EVC: variants seen among roughly 807,000 people sequenced by gnomAD.
EVC encodes the protein evC complex member EVC.
A neutral mutation model predicts 118.9 loss-of-function variants in EVC; 116 were observed. The ratio of observed to expected loss-of-function variants is 0.98; its 90% CI spans 0.84 to 1.14. EVC has a LOEUF of 1.14. Among genes scored for constraint, EVC ranks in the 50% most tolerant of loss-of-function variants. The pLI is 0.00. For synonymous variants in EVC, 619 were observed against 534.7 expected, an observed-to-expected ratio of 1.16 and a Z score of -2.18; for missense variants, 1,401 against 1,246.4, an observed-to-expected ratio of 1.12 and a Z score of -1.87.
At position 5,752,822 on chromosome 4, in the gene EVC, G is replaced by T; in HGVS notation, c.1099-14G>T. 1 of 1,614,040 alleles carries T rather than the reference G, an allele frequency of 6.2e-7. No individual in the cohort carries two copies. The highest frequency in any genetic ancestry group is 8.5e-7 in the Non-Finnish European group (1 of 1,179,872). ...GGACACCCCAGCTATGGTCCTGTGT[G>T]TTTCTTTTTGCAGGACGCCCTGGAG... is the stretch of plus-strand genomic sequence containing the variant. On this transcript the variant is annotated splice_polypyrimidine_tract_variant and intron_variant, in intron 8 of 20. Coordinates refer to ENST00000264956, the MANE Select transcript of EVC (RefSeq NM_153717.3).
At chr4:5,736,446 CTT>C (rs1197054163) in intron 5 of EVC, among the ~76,000 whole-genome samples, 5 of 151,620 alleles carry the variant, frequency 3.3e-5, no homozygotes, top group African/African-American at 1.2e-4. Flanking sequence ...GCACACAGCA[CTT>C]TGTGCCTGCA....
chr4:5,807,262 G>A (rs1167541916), intron 17 of EVC, among the ~76,000 whole-genome samples: 7 of 152,284 alleles, frequency 4.6e-5, no homozygotes, highest in South Asian at 4.1e-4. Flanking sequence ...AGGGAGGGAG[G>A]AATGGAGTGA....
chr4:5,801,925 CCCTGT>C lies in EVC; in HGVS notation c.2305-21_2305-17del. 1 of 1,611,300 alleles carries C rather than the reference CCCTGT, an allele frequency of 6.2e-7. No individual in the cohort carries two copies. The highest frequency in any genetic ancestry group is 2.2e-5 in the East Asian group (1 of 44,852). On this transcript the variant is annotated intron_variant, in intron 15 of 20. Coordinates refer to ENST00000264956, the MANE Select transcript of EVC (RefSeq NM_153717.3). ...CTCCCACGTGTGACTTCTCTGCTGT[CCCTGT>C]CCTTCCTTTCTTCCCTCAGAGGACA...
intron 11 of EVC, among the ~76,000 whole-genome samples, chr4:5,776,407 T>A (rs1022514948): frequency 9.2e-5 from 14 of 152,166 alleles, no homozygotes; most frequent in Admixed American, 2.6e-4. Context: ...ATTCATTCTT[T>A]AAAAAATATT....
intron 20 of EVC, among the ~76,000 whole-genome samples, chr4:5,810,738 C>G (rs1455433551): frequency 6.6e-6 from 1 of 152,218 alleles, no homozygotes; most frequent in Non-Finnish European, 1.5e-5. Flanking sequence ...GCAGTCCCTT[C>G]TTTGACCAGG....
chr4:5,729,532 T>G, intron 3 of EVC, 142 bp downstream of exon 3: 1 of 838,240 alleles, frequency 1.2e-6, no homozygotes, highest in Non-Finnish European at 2.0e-6. Context: ...GGGATAGTTT[T>G]GAGGCTCAGG....
intron 15 of EVC, among the ~76,000 whole-genome samples, chr4:5,800,164 G>C (rs1394720391): frequency 6.6e-6 from 1 of 152,148 alleles, no homozygotes; most frequent in East Asian, 1.9e-4. Flanking sequence ...GGCCAACACA[G>C]TGAAACCCCG....
the EVC span, chr4:5,827,970 A>G: frequency 2.2e-6 from 2 of 921,212 alleles, no homozygotes; most frequent in Non-Finnish European, 2.6e-6. Context: ...GTTCAAGGAA[A>G]ATAAGGAACG....
chr4:5,751,499 C>T (rs899085952), intron 8 of EVC, among the ~76,000 whole-genome samples: 11 of 152,354 alleles, frequency 7.2e-5, no homozygotes, highest in Middle Eastern at 3.4e-3. Flanking sequence ...CTAGGGTTCA[C>T]GGGCTGCTGG....
intron 16 of EVC, among the ~76,000 whole-genome samples, chr4:5,803,318 G>A (rs1715334479): frequency 6.6e-6 from 1 of 152,180 alleles, no homozygotes; most frequent in South Asian, 2.1e-4. Flanking sequence ...TGAGCCCAGA[G>A]GCCACCTCTG....
chr4:5,748,621 C>CATTT (rs1729798762), intron 8 of EVC, among the ~76,000 whole-genome samples: 1 of 132,836 alleles, frequency 7.5e-6, no homozygotes, highest in African/African-American at 2.9e-5. Flanking sequence ...TCCACCCACC[C>CATTT]ATCCATCCAT....
At chr4:5,712,673 A>AT (rs1424877568) in intron 1 of EVC, among the ~76,000 whole-genome samples, 1 of 152,132 alleles carries the variant, frequency 6.6e-6, no homozygotes, top group Non-Finnish European at 1.5e-5. Flanking sequence ...ATATAGGGGA[A>AT]TTTGGTGACT....
At chr4:5,758,385 C>G (rs1158296795) in intron 11 of EVC, 1 of 446,256 alleles carries the variant, frequency 2.2e-6, no homozygotes, top group Non-Finnish European at 4.0e-6. Context: ...GGGCTAGCTC[C>G]TATCTTAAGT....
At chr4:5,763,701 TTGTC>T (rs1209168711) in intron 11 of EVC, among the ~76,000 whole-genome samples, 2 of 114,786 alleles carry the variant, frequency 1.7e-5, no homozygotes, top group African/African-American at 6.8e-5. Flanking sequence ...GGCTCTCTGT[TTGTC>T]TGTTGTTGGT....
chr4:5,723,267 G>A (rs962930324), intron 2 of EVC, among the ~76,000 whole-genome samples: 1 of 149,522 alleles, frequency 6.7e-6, no homozygotes, highest in African/African-American at 2.5e-5. Flanking sequence ...TCGGCTCCCT[G>A]CAACCTCTGC....
chr4:5,732,217 G>C (rs1726937598), intron 4 of EVC, among the ~76,000 whole-genome samples: 1 of 152,204 alleles, frequency 6.6e-6, no homozygotes, highest in African/African-American at 2.4e-5. Context: ...ACCCAGAGCA[G>C]GGCTCCGCAC....
chr4:5,717,420 C>G (rs556254424), intron 1 of EVC, among the ~76,000 whole-genome samples: 1 of 152,238 alleles, frequency 6.6e-6, no homozygotes, highest in African/African-American at 2.4e-5. Context: ...ATATTAGAGT[C>G]TGTCCTCAAA....
Position 5,782,672 on chromosome 4 carries a change from C to T in EVC, c.1564-880C>T, listed in dbSNP as rs573989139. ...TGGGGTGGGGGAGCGGGGATGAAGGCAACAGAATGATAAGACAAGAGGCAG... is the reference window on the plus strand; with the variant it reads ...TGGGGTGGGGGAGCGGGGATGAAGGTAACAGAATGATAAGACAAGAGGCAG... On this transcript the variant is annotated intron_variant, in intron 11 of 20. Transcript: ENST00000264956. 1.5e-4 allele frequency among the ~76,000 whole-genome samples: 23 copies of T among 148,816 alleles called. No individual in the cohort carries two copies. The East Asian group carries it at 4.6e-3, about 30-fold the overall frequency.
At chr4:5,777,381 A>C (rs961305293) in intron 11 of EVC, among the ~76,000 whole-genome samples, 1 of 152,134 alleles carries the variant, frequency 6.6e-6, no homozygotes, top group African/African-American at 2.4e-5. Flanking sequence ...GGAATGGTTT[A>C]CCAGGCCCCC....
Sources: allele counts gnomAD v4.1 joint callset (sites outside exome capture counted in the v4.1 genomes callset), GRCh38; gene constraint gnomAD v4.1.1; transcripts MANE v1.5; gene names NCBI Gene and HGNC (gene_info 2026-07-23, HGNC 2026-07-21).